SHPRH: variants seen among roughly 807,000 people sequenced by gnomAD.
SHPRH encodes SNF2 histone linker PHD RING helicase, also known as E3 ubiquitin-protein ligase SHPRH.
Under a neutral mutation model 202.5 loss-of-function variants are expected in SHPRH, and 106 were observed. The observed-to-expected ratio is 0.52, with a 90% CI of 0.45 to 0.62. The LOEUF (loss-of-function observed/expected upper bound fraction) is 0.62, where lower values mean the gene tolerates loss of function less well. Among genes scored for constraint, SHPRH ranks in the 20% least tolerant of loss-of-function variants. SHPRH has a pLI of 0.00. For missense variants in SHPRH, 1,710 were observed against 2,020.0 expected (o/e 0.85, Z 2.94); for synonymous variants, 729 against 686.0 (o/e 1.06, Z -0.98).
intron 2 of SHPRH, chr6:145,871,173 C>T (rs1239733177): frequency 6.6e-6 from 1 of 152,156 alleles, no homozygotes; most frequent in Non-Finnish European, 1.5e-5. Context: ...TCTCCCAACC[C>T]CTATTCAATA....
intron 29 of SHPRH, among the ~76,000 whole-genome samples, chr6:145,887,225 G>C (rs938192915): frequency 5.9e-5 from 9 of 152,092 alleles, no homozygotes; most frequent in Non-Finnish European, 8.8e-5. Context: ...TAGGTAAAAA[G>C]GCCCTTGTGG....
At chr6:145,909,738 T>C (rs1045582147) in intron 25 of SHPRH, 8 of 151,434 alleles carry the variant, frequency 5.3e-5, no homozygotes, top group Middle Eastern at 3.4e-3. Context: ...TAAATTTAGA[T>C]ACCGATGTGT....
At chr6:145,912,031 G>T (rs1783539777) in intron 24 of SHPRH, among the ~76,000 whole-genome samples, 1 of 151,816 alleles carries the variant, frequency 6.6e-6, no homozygotes, top group Admixed American at 6.6e-5. Flanking sequence ...ACTCACTAGA[G>T]CTCAAAATGG....
chr6:145,868,594 CA>C (rs373140761), intron 2 of SHPRH, among the ~76,000 whole-genome samples: 2 of 152,262 alleles, frequency 1.3e-5, no homozygotes, highest in East Asian at 3.9e-4. Flanking sequence ...TAAGGTACGA[CA>C]CAGGAAGACA....
At chr6:145,955,405 T>G in intron 1 of SHPRH, 51 bp from the exon 2 acceptor site, 1 of 1,475,320 alleles carries the variant, frequency 6.8e-7, no homozygotes, top group Non-Finnish European at 9.0e-7. Context: ...GATTTAGTAT[T>G]TAAGGGTTAC....
At chr6:145,927,149 A>G in intron 15 of SHPRH, 40 bp downstream of exon 15, 1 of 1,564,640 alleles carries the variant, frequency 6.4e-7, no homozygotes, top group Non-Finnish European at 8.8e-7. Context: ...TGTTAAAAAA[A>G]CAAACAGAAT....
In SHPRH at chr6:145,941,499, C is replaced by T. The variant is rs1246872450; in HGVS notation, c.2490+124G>A. 12 of 1,437,904 alleles carry T rather than the reference C, an allele frequency of 8.3e-6. No homozygotes were observed. In the East Asian group the frequency reaches 2.8e-4, roughly 33 times the overall value. 89.1% of individuals were successfully genotyped at this position (1,437,904 alleles called of 1,614,324 possible). On this transcript the variant is annotated intron_variant, in intron 10 of 29. Transcript: ENST00000275233. ...GAAAAGCACAAGTAGTGTTTAATAA[C>T]AAACTTTTGACCAATATCAGTACTA...
Position 145,886,475 on chromosome 6 carries a change from G to T in SHPRH, c.*216C>A. On this transcript the variant is annotated 3_prime_UTR_variant, in exon 30 of 30. Transcript: ENST00000275233. ...ACAAAAAATAAATGTTTTATTAGGA[G>T]TGTAAAATTAAGAATCTTTATAGAT... is the stretch of plus-strand genomic sequence containing the variant. 2 of 891,790 alleles carry T rather than the reference G, an allele frequency of 2.2e-6. No homozygotes were observed. Among genetic ancestry groups the T allele is most frequent in the South Asian group, 1.4e-5 (1 of 70,838 alleles). The allele number at this position is 891,790 out of a possible 1,614,324, so 55.2% of individuals were successfully genotyped here.
chr6:145,886,795 G>A lies in SHPRH; in HGVS notation c.4956-8C>T, dbSNP rs760970343. On this transcript the variant is annotated splice_polypyrimidine_tract_variant and splice_region_variant and intron_variant, in intron 29 of 29. Coordinates refer to ENST00000275233, the MANE Select transcript of SHPRH (RefSeq NM_001042683.3). Reference sequence around the variant, plus strand: ...GCTGATGAGTTCGTGTGACTGCAAGGTTTCCCAAATGAGCACAGTCAGAAA... The same window carrying A: ...GCTGATGAGTTCGTGTGACTGCAAGATTTCCCAAATGAGCACAGTCAGAAA... 5 of 1,611,580 alleles carry A rather than the reference G, an allele frequency of 3.1e-6. No individual in the cohort carries two copies. In the South Asian group the frequency reaches 5.5e-5, roughly 18 times the overall value.
downstream of SHPRH, among the ~76,000 whole-genome samples, chr6:145,861,396 T>G (rs962955858): frequency 5.3e-5 from 8 of 151,404 alleles, no homozygotes; most frequent in African/African-American, 1.9e-4. Context: ...TACAGTGAGA[T>G]ATCACCTCAT....
Position 145,944,282 on chromosome 6 carries a change from T to C in SHPRH, c.1579-480A>G, listed in dbSNP as rs371633321. ...ATATGTCCTCTCTTACAATTACTTA[T>C]TAAATGCCAATTCTGTGCCAGTAGT... On this transcript the variant is annotated intron_variant, in intron 8 of 29. Coordinates refer to ENST00000275233, the MANE Select transcript of SHPRH (RefSeq NM_001042683.3). Among the ~76,000 whole-genome samples the C allele has an allele frequency of 5.3e-4, 81 of 152,300 alleles. 1 individual carries two copies. In the South Asian group the frequency reaches 0.013, roughly 24 times the overall value.
chr6:145,882,578 A>C (rs935983723), downstream of SHPRH, among the ~76,000 whole-genome samples: 11 of 152,186 alleles, frequency 7.2e-5, no homozygotes, highest in Non-Finnish European at 1.2e-4. Flanking sequence ...AAGAAGACAT[A>C]ATTCTGTGAC....
At chr6:145,902,719 G>C in intron 25 of SHPRH, among the ~76,000 whole-genome samples, 1 of 152,156 alleles carries the variant, frequency 6.6e-6, no homozygotes, top group Non-Finnish European at 1.5e-5. Context: ...CTTTACTCTA[G>C]ACTATTCAAT....
intron 9 of SHPRH, among the ~76,000 whole-genome samples, chr6:145,942,634 A>G (rs887321563): frequency 2.6e-5 from 4 of 152,206 alleles, no homozygotes; most frequent in Non-Finnish European, 4.4e-5. Context: ...TGACAAAATC[A>G]TATCTTCACA....
rs190575467 is a variant in SHPRH, at chr6:145,916,693, A to G, written c.4254+1438T>C. Among the ~76,000 whole-genome samples, 4 of 152,292 alleles carry G rather than the reference A, an allele frequency of 2.6e-5. No individual in the cohort carries two copies. In the East Asian group the frequency reaches 7.7e-4, roughly 29 times the overall value. On this transcript the variant is annotated intron_variant, in intron 23 of 29. Transcript: ENST00000275233. ...TAACATATAAACAATGACGTACAAG[A>G]TAACTGTCTTTTTATTTTGACTATC...
intron 20 of SHPRH, among the ~76,000 whole-genome samples, chr6:145,921,946 T>C (rs1271683108): frequency 6.6e-6 from 1 of 152,042 alleles, no homozygotes; most frequent in African/African-American, 2.4e-5. Context: ...GAAGAAGTTA[T>C]GCCGGACATT....
chr6:145,916,832 G>GA (rs1287242001), intron 23 of SHPRH, among the ~76,000 whole-genome samples: 2 of 151,998 alleles, frequency 1.3e-5, no homozygotes, highest in Non-Finnish European at 2.9e-5. Context: ...GCCTAGGCTG[G>GA]AGTGCAATGG....
chr6:145,945,293 T>A, intron 8 of SHPRH, 88 bp downstream of exon 8: 2 of 1,398,470 alleles, frequency 1.4e-6, no homozygotes, highest in Non-Finnish European at 1.9e-6. Context: ...ATCGTAAGAG[T>A]TTCAGTTTCA....
At chr6:145,871,534 A>G (rs2128691227) in intron 2 of SHPRH, 1 of 152,328 alleles carries the variant, frequency 6.6e-6, no homozygotes, top group Middle Eastern at 3.4e-3. Context: ...GCACTGCTCA[A>G]AGAAATCAGA....
Sources: gnomAD v4.1 joint callset for allele counts (sites outside exome capture counted in the v4.1 genomes callset) on GRCh38, gnomAD v4.1.1 for gene constraint, MANE v1.5 for transcripts, NCBI Gene and HGNC (gene_info 2026-07-23, HGNC 2026-07-21) for gene names.